GOLGA5: variants seen among roughly 807,000 people sequenced by gnomAD.
The protein encoded by GOLGA5 is golgin subfamily A member 5.
In GOLGA5, 50 loss-of-function variants were observed where a neutral mutation model predicts 93.5. The observed-to-expected ratio is 0.53, with a 90% CI of 0.43 to 0.68. The LOEUF is 0.68. Ranked by LOEUF, GOLGA5 falls within the 30% of genes least tolerant of loss-of-function variation. GOLGA5 has a pLI of 0.00. For missense variants in GOLGA5, 760 were observed against 856.4 expected (o/e 0.89, Z 1.40); for synonymous variants, 312 against 304.5 (o/e 1.02, Z -0.26).
chr14:92,827,626 C>T (rs895015959), intron 9 of GOLGA5, among the ~76,000 whole-genome samples: 6 of 152,190 alleles, frequency 3.9e-5, no homozygotes, highest in African/African-American at 1.4e-4. Flanking sequence ...ATGTCTCTCA[C>T]ATTAAGTGAA....
rs531522750 is a variant in GOLGA5 at position 92,826,013 on chromosome 14, G to T, written c.1719+1369G>T. 2.2e-3 allele frequency among the ~76,000 whole-genome samples: 335 copies of T among 151,910 alleles called. 2 individuals carry two copies. The highest frequency in any genetic ancestry group is 4.2e-3 in the Non-Finnish European group (284 of 67,920). On this transcript the variant is annotated intron_variant, in intron 9 of 12. Coordinates refer to ENST00000163416, the MANE Select transcript of GOLGA5 (RefSeq NM_005113.4). ...TCTAAAAAAATATTTTTAATTAGGT[G>T]CATGGTGGCACGTACCTGTAAGTCC...
At position 92,819,771 on chromosome 14, in the gene GOLGA5, G is replaced by T; in HGVS notation, c.1555G>T (p.Asp519Tyr). The T allele has an allele frequency of 2.5e-6, 4 of 1,613,778 alleles. No homozygotes were observed. The highest frequency in any genetic ancestry group is 1.1e-5 in the South Asian group (1 of 91,044). Reference sequence around the variant, plus strand: ...AAGAGAACAGTTACAGGATCTGCATGACCAAATAGCTGGGCAGAAAGCATC... The same window carrying T: ...AAGAGAACAGTTACAGGATCTGCATTACCAAATAGCTGGGCAGAAAGCATC... Reference protein sequence around the residue: ...SAREQLQDLHDQIAGQKASKQ... With the variant: ...SAREQLQDLHYQIAGQKASKQ... Residue 519 changes from aspartate to tyrosine, a missense_variant, in exon 8 of 13, where the codon GAC becomes TAC. Physicochemically the swap from Asp to Tyr is radical, Grantham distance 160. Coordinates refer to ENST00000163416, the MANE Select transcript of GOLGA5 (RefSeq NM_005113.4).
intron 9 of GOLGA5, among the ~76,000 whole-genome samples, chr14:92,827,510 A>C (rs6575294): frequency 0.81 from 123,257 of 152,190 alleles, 50,471 homozygotes; most frequent in African/African-American, 0.92. Flanking sequence ...ACATCTCTTT[A>C]CCTCTCCTCA....
chr14:92,826,942 A>G (rs1310235643), intron 9 of GOLGA5, among the ~76,000 whole-genome samples: 1 of 152,146 alleles, frequency 6.6e-6, no homozygotes, highest in African/African-American at 2.4e-5. Context: ...GTAGAAGAAA[A>G]TGATACATTG....
Position 92,837,407 on chromosome 14 carries a change from C to A in GOLGA5, c.2073C>A (p.Leu691=). The change falls in exon 12 of 13, where the codon CTC becomes CTA. Residue 691 remains leucine, a synonymous_variant. Coordinates refer to ENST00000163416, the MANE Select transcript of GOLGA5 (RefSeq NM_005113.4). ...ACAGTATTCGCCTGGGAATTTTTCT[C>A]CGAAGATACCCCATAGCGCGAGTTT... ...DQFSIRLGIF[L]RRYPIARVFV... 1 of 1,550,624 alleles carries A rather than the reference C, an allele frequency of 6.4e-7. No individual in the cohort carries two copies. Among genetic ancestry groups the A allele is most frequent in the Non-Finnish European group, 8.9e-7 (1 of 1,122,782 alleles).
rs1307766312 is a variant in GOLGA5, at chr14:92,800,816, T to C, written c.544+2835T>C. Among the ~76,000 whole-genome samples the C allele has an allele frequency of 2.0e-5, 3 of 152,248 alleles. No homozygotes were observed. In the East Asian group the frequency reaches 5.8e-4, roughly 29 times the overall value. ...GAGTTGACATAGCTTATTTTTGTAC[T>C]TTTAAAGAAAGCAGCTTGCATTTAA... On this transcript the variant is annotated intron_variant, in intron 2 of 12. Transcript: ENST00000163416.
chr14:92,814,369 C>T (rs945214285), intron 6 of GOLGA5, among the ~76,000 whole-genome samples: 1 of 151,982 alleles, frequency 6.6e-6, no homozygotes, highest in Non-Finnish European at 1.5e-5. Flanking sequence ...GCATGATCAC[C>T]AACCACAGCA....
At chr14:92,795,529 A>G (rs1884707535) in intron 1 of GOLGA5, among the ~76,000 whole-genome samples, 1 of 152,176 alleles carries the variant, frequency 6.6e-6, no homozygotes, top group African/African-American at 2.4e-5. Context: ...ATTGCTGTTT[A>G]CCACATAACG....
intron 11 of GOLGA5, among the ~76,000 whole-genome samples, chr14:92,836,520 AT>A (rs1885644905): frequency 6.6e-6 from 1 of 152,164 alleles, no homozygotes; most frequent in Admixed American, 6.6e-5. Flanking sequence ...AGAAAGGGGT[AT>A]TGCTTCTGCA....
At chr14:92,837,314 A>G in intron 11 of GOLGA5, 72 bp from the exon 12 acceptor site, 1 of 758,746 alleles carries the variant, frequency 1.3e-6, no homozygotes, top group Non-Finnish European at 2.3e-6. Flanking sequence ...ATCATTAGAT[A>G]TTACCACAGG....
At chr14:92,838,474 T>C (rs1260774836) in intron 12 of GOLGA5, among the ~76,000 whole-genome samples, 1 of 152,094 alleles carries the variant, frequency 6.6e-6, no homozygotes, top group Non-Finnish European at 1.5e-5. Flanking sequence ...TTCAAGCGAT[T>C]CTCCTGCCTC....
chr14:92,797,230 C>G (rs1195753440), intron 1 of GOLGA5, among the ~76,000 whole-genome samples, 178 bp from the exon 2 acceptor site: 2 of 152,004 alleles, frequency 1.3e-5, no homozygotes. Context: ...ACACTTTCCC[C>G]CCCATTTTCT....
intron 12 of GOLGA5, among the ~76,000 whole-genome samples, 188 bp downstream of exon 12, chr14:92,837,637 C>T (rs923379394): frequency 1.3e-5 from 2 of 151,968 alleles, no homozygotes; most frequent in South Asian, 2.1e-4. Context: ...AGTCTTGGCT[C>T]ACTGCAGCCT....
intron 1 of GOLGA5, among the ~76,000 whole-genome samples, chr14:92,797,082 AAAT>A (rs895648283): frequency 3.6e-4 from 36 of 98,730 alleles, no homozygotes; most frequent in African/African-American, 9.3e-4. Flanking sequence ...ATAAAAATAG[AAAT>A]AATAATAAAA....
intron 9 of GOLGA5, among the ~76,000 whole-genome samples, chr14:92,827,483 A>G (rs1885446839): frequency 1.3e-5 from 2 of 152,204 alleles, no homozygotes; most frequent in African/African-American, 4.8e-5. Context: ...TGACAGCTCC[A>G]TCAACTGGCC....
At chr14:92,829,865 C>CT (rs1215051201) in intron 9 of GOLGA5, among the ~76,000 whole-genome samples, 2 of 152,126 alleles carry the variant, frequency 1.3e-5, no homozygotes, top group Non-Finnish European at 2.9e-5. Context: ...ATGTGACAAA[C>CT]TTTGTTGTTA....
intron 2 of GOLGA5, among the ~76,000 whole-genome samples, chr14:92,800,315 T>G (rs987260218): frequency 1.3e-5 from 2 of 152,144 alleles, no homozygotes; most frequent in Non-Finnish European, 2.9e-5. Flanking sequence ...TCACAGAGGG[T>G]CTGTATTTTT....
At chr14:92,825,951 T>TC (rs1276758661) in intron 9 of GOLGA5, among the ~76,000 whole-genome samples, 2 of 151,726 alleles carry the variant, frequency 1.3e-5, no homozygotes, top group Admixed American at 6.6e-5. Flanking sequence ...GGTCAGGAGT[T>TC]CAAGATCAGC....
rs180675935 is a variant in GOLGA5, at chr14:92,823,043, A to C, written c.1621-1503A>C. ...TCAGTCACCGTGTTCCTCTTTGTGAAATTATAAAGAAATTTGCCTCTGTAG... is the reference window on the plus strand; with the variant it reads ...TCAGTCACCGTGTTCCTCTTTGTGACATTATAAAGAAATTTGCCTCTGTAG... On this transcript the variant is annotated intron_variant, in intron 8 of 12. Coordinates refer to ENST00000163416, the MANE Select transcript of GOLGA5 (RefSeq NM_005113.4). 2.6e-3 allele frequency among the ~76,000 whole-genome samples: 402 copies of C among 152,286 alleles called. 1 individual carries two copies. The highest frequency in any genetic ancestry group is 4.6e-3 in the Non-Finnish European group (313 of 68,020).
Sources: allele counts gnomAD v4.1 joint callset (sites outside exome capture counted in the v4.1 genomes callset), GRCh38; gene constraint gnomAD v4.1.1; transcripts MANE v1.5; gene names NCBI Gene and HGNC (gene_info 2026-07-23, HGNC 2026-07-21).